NFIB: variants seen among roughly 807,000 people sequenced by gnomAD.
The protein encoded by NFIB is nuclear factor I B, also known as nuclear factor 1 B-type.
A neutral mutation model predicts 61.5 loss-of-function variants in NFIB; 11 were observed. The observed-to-expected ratio is 0.18, with a 90% CI of 0.11 to 0.30. NFIB has a LOEUF of 0.30. Ranked by LOEUF, NFIB falls within the 10% of genes least tolerant of loss-of-function variation. The pLI is 1.00. For missense variants in NFIB, 471 were observed against 608.9 expected (o/e 0.77, Z 2.38); for synonymous variants, 260 against 216.5 (o/e 1.20, Z -1.76).
At chr9:14,495,446 C>CTTTTATTTTTTTTTTT in the NFIB span, among the ~76,000 whole-genome samples, 1 of 117,264 alleles carries the variant, frequency 8.5e-6, no homozygotes, top group Non-Finnish European at 1.7e-5. Context: ...GAGAAATGAA[C>CTTTTATTTTTTTTTTT]TTTTTTTTTT....
chr9:14,328,484 A>G (rs923141978), intron 1 of NFIB, among the ~76,000 whole-genome samples: 2 of 151,876 alleles, frequency 1.3e-5, no homozygotes, highest in African/African-American at 4.8e-5. Context: ...TATTTTAACC[A>G]TTATCTTTAA....
chr9:14,258,168 T>C (rs1224251303), intron 2 of NFIB, among the ~76,000 whole-genome samples: 1 of 152,182 alleles, frequency 6.6e-6, no homozygotes, highest in Non-Finnish European at 1.5e-5. Context: ...ACTGAGAACA[T>C]TCATTCAGAT....
At chr9:14,099,844 G>C (rs1344515124) in intron 10 of NFIB, among the ~76,000 whole-genome samples, 2 of 152,178 alleles carry the variant, frequency 1.3e-5, no homozygotes, top group Admixed American at 1.3e-4. Context: ...AGGCCAAGGC[G>C]AGCAGATCAC....
rs1243507591 is a variant in NFIB at position 14,084,676 on chromosome 9, A to T, written c.*3633T>A. 4.3e-6 allele frequency: 1 copy of T among 230,050 alleles called. No homozygotes were observed. The highest frequency in any genetic ancestry group is 8.6e-6 in the Non-Finnish European group (1 of 116,052). 14.3% of individuals were successfully genotyped at this position (230,050 alleles called of 1,614,324 possible). A position where few individuals can be genotyped will look rare whatever the true frequency, so the allele number is the denominator to read the frequency against. On this transcript the variant is annotated 3_prime_UTR_variant, in exon 11 of 11. Coordinates refer to ENST00000380953, the MANE Select transcript of NFIB (RefSeq NM_001190737.2). Reference sequence around the variant, plus strand: ...CACTCCCTACTCATGCCCTTGGGTGACCTTCGCCATCCTGAAGCTCTGCAG... The same window carrying T: ...CACTCCCTACTCATGCCCTTGGGTGTCCTTCGCCATCCTGAAGCTCTGCAG...
At chr9:14,177,384 C>T (rs889910187) in intron 3 of NFIB, among the ~76,000 whole-genome samples, 1 of 152,034 alleles carries the variant, frequency 6.6e-6, no homozygotes, top group African/African-American at 2.4e-5. Context: ...AATTAGAAAA[C>T]ATTTTATATT....
chr9:14,119,366 CTCAG>C (rs1168593183), intron 8 of NFIB, among the ~76,000 whole-genome samples: 1 of 152,110 alleles, frequency 6.6e-6, no homozygotes, highest in Admixed American at 6.5e-5. Flanking sequence ...AGTTTAATAT[CTCAG>C]TCAGTCAAAC....
Position 14,395,325 on chromosome 9 carries a change from A to C in NFIB, c.108+3199T>G, listed in dbSNP as rs1341012611. 6.2e-4 allele frequency among the ~76,000 whole-genome samples: 83 copies of C among 133,130 alleles called. 2 individuals carry two copies. Among genetic ancestry groups the C allele is most frequent in the South Asian group, 6.1e-3 (25 of 4,068 alleles). 87.3% of individuals were successfully genotyped at this position (133,130 alleles called of 152,430 possible). A position where few individuals can be genotyped will look rare whatever the true frequency, so the allele number is the denominator to read the frequency against. Reference sequence around the variant, plus strand: ...GGACAGCCAAAAAAAAAAAAAACCTAAAAAAAAAAAATCAAGAGATGCAAC... The same window carrying C: ...GGACAGCCAAAAAAAAAAAAAACCTCAAAAAAAAAAATCAAGAGATGCAAC... On this transcript the variant is annotated intron_variant, in intron 1 of 8. Coordinates refer to the NFIB transcript ENST00000380934.
intron 10 of NFIB, among the ~76,000 whole-genome samples, chr9:14,110,167 TCA>T (rs2037140388): frequency 6.6e-6 from 1 of 152,084 alleles, no homozygotes; most frequent in African/African-American, 2.4e-5. Context: ...CACTGTAGTA[TCA>T]TCTTGTGGAA....
chr9:14,236,699 C>T (rs2053781062), intron 2 of NFIB, among the ~76,000 whole-genome samples: 1 of 152,088 alleles, frequency 6.6e-6, no homozygotes, highest in Admixed American at 6.5e-5. Context: ...CATGTGGTGT[C>T]ATTGTTTCAC....
intron 1 of NFIB, among the ~76,000 whole-genome samples, chr9:14,363,192 G>A (rs1321685281): frequency 6.6e-6 from 1 of 151,998 alleles, no homozygotes; most frequent in South Asian, 2.1e-4. Context: ...CAAACTCTTT[G>A]TCTTTTACGG....
the NFIB span, among the ~76,000 whole-genome samples, chr9:14,442,082 G>C: frequency 1.3e-5 from 2 of 152,146 alleles, no homozygotes; most frequent in African/African-American, 4.8e-5. Context: ...GTGCAGAGTT[G>C]GTGAAGGAGC....
At chr9:14,465,738 A>G in the NFIB span, among the ~76,000 whole-genome samples, 1 of 152,062 alleles carries the variant, frequency 6.6e-6, no homozygotes, top group Non-Finnish European at 1.5e-5. Context: ...TTGGGGAGAC[A>G]TGTCCTTCTG....
intron 2 of NFIB, among the ~76,000 whole-genome samples, chr9:14,272,440 G>C (rs907355032): frequency 6.6e-6 from 1 of 151,964 alleles, no homozygotes; most frequent in Admixed American, 6.6e-5. Flanking sequence ...ATCATAAAAT[G>C]CTATCATTTA....
At chr9:14,091,149 C>T (rs1338153658) in intron 10 of NFIB, among the ~76,000 whole-genome samples, 1 of 151,724 alleles carries the variant, frequency 6.6e-6, no homozygotes, top group Non-Finnish European at 1.5e-5. Flanking sequence ...CAAACATTAA[C>T]ACTATGCAGA....
In NFIB at chr9:14,113,077, G is replaced by A. The variant is rs2119033932; in HGVS notation, c.1389C>T (p.Tyr463=). 1 of 1,549,442 alleles carries A rather than the reference G, an allele frequency of 6.5e-7. No homozygotes were observed. Among genetic ancestry groups the A allele is most frequent in the East Asian group, 2.5e-5 (1 of 40,814 alleles). The change falls in exon 10 of 11, where the codon TAC becomes TAT. Residue 463 remains tyrosine (Y), a synonymous_variant. Coordinates refer to ENST00000380953, the MANE Select transcript of NFIB (RefSeq NM_001190737.2). ...TKPITTSTEA[Y]TASGTSQANR... The stretch of plus-strand genomic sequence containing the variant: ...TGGCTTGAGATGTGCCTGAGGCTGT[G>A]TAGGCTGATTAAGGAAGAACAAAAA...
the NFIB span, among the ~76,000 whole-genome samples, chr9:14,530,966 A>G: frequency 6.6e-6 from 1 of 152,370 alleles, no homozygotes; most frequent in African/African-American, 2.4e-5. Flanking sequence ...AATGAACCCA[A>G]TGACGAATTT....
At chr9:14,235,888 G>A (rs1428550870) in intron 2 of NFIB, among the ~76,000 whole-genome samples, 3 of 152,084 alleles carry the variant, frequency 2.0e-5, no homozygotes, top group Non-Finnish European at 4.4e-5. Flanking sequence ...TTTACCCACT[G>A]GGTTTTTAAC....
the NFIB span, among the ~76,000 whole-genome samples, chr9:14,516,704 T>G: frequency 2.0e-5 from 3 of 152,222 alleles, no homozygotes; most frequent in Non-Finnish European, 2.9e-5. Context: ...AAAAATCATC[T>G]GTAATATAGT....
At chr9:14,184,553 T>G (rs1369908802) in intron 2 of NFIB, among the ~76,000 whole-genome samples, 2 of 152,156 alleles carry the variant, frequency 1.3e-5, no homozygotes, top group Non-Finnish European at 2.9e-5. Context: ...GACAATCTGG[T>G]GGAAGCTCTG....
Sources: gnomAD v4.1 joint callset for allele counts (sites outside exome capture counted in the v4.1 genomes callset) on GRCh38, gnomAD v4.1.1 for gene constraint, MANE v1.5 for transcripts, NCBI Gene and HGNC (gene_info 2026-07-23, HGNC 2026-07-21) for gene names.